The following LRRC74B variants were observed in gnomAD, a reference collection of about 807,000 sequenced individuals.
The protein encoded by LRRC74B is leucine-rich repeat-containing protein 74B.
A neutral mutation model predicts 16.6 loss-of-function variants in LRRC74B; 30 were observed. That is an observed-to-expected ratio of 1.80 (90% CI 1.35 to 2.45). LRRC74B has a LOEUF of 2.45. LRRC74B is among the 30% of genes most tolerant of loss of function. The pLI is 0.00. For synonymous variants in LRRC74B, 134 were observed against 86.0 expected (o/e 1.56, Z -3.09); for missense variants, 326 against 202.4 (o/e 1.61, Z -3.71).
intron 5 of LRRC74B, 23 bp from the exon 6 acceptor site, chr22:21,053,337 G>T (rs993888019): frequency 8.4e-6 from 6 of 714,974 alleles, no homozygotes; most frequent in Admixed American, 2.0e-5. Flanking sequence ...GGGGTCCCAT[G>T]ACTTCACTCT....
At chr22:21,051,547 C>T (rs1444309442) in intron 4 of LRRC74B, among the ~76,000 whole-genome samples, 1 of 152,160 alleles carries the variant, frequency 6.6e-6, no homozygotes. Context: ...TAGCCTATGG[C>T]ACCAGCCTTC....
At chr22:21,057,779 G>A in intron 8 of LRRC74B, among the ~76,000 whole-genome samples, 1 of 143,906 alleles carries the variant, frequency 6.9e-6, no homozygotes, top group Non-Finnish European at 1.5e-5. Flanking sequence ...CACCATACCT[G>A]GCTAAAGTTT....
chr22:21,055,073 C>A (rs752135178), intron 6 of LRRC74B, 25 bp from the exon 7 acceptor site: 1 of 716,106 alleles, frequency 1.4e-6, no homozygotes. Flanking sequence ...TTGCACAATG[C>A]ATGTGCCTGT....
At chr22:21,057,232 C>T (rs1380115270) in intron 8 of LRRC74B, 32 bp downstream of exon 8, 1 of 715,876 alleles carries the variant, frequency 1.4e-6, no homozygotes, top group South Asian at 1.5e-5. Flanking sequence ...CGTTTCTGAT[C>T]CTCCCAGCAG....
intron 1 of LRRC74B, among the ~76,000 whole-genome samples, chr22:21,046,425 C>G (rs761309744): frequency 6.7e-6 from 1 of 150,366 alleles, no homozygotes; most frequent in African/African-American, 2.4e-5. Flanking sequence ...TTTTTTCTCC[C>G]GTAAAATGTT....
intron 3 of LRRC74B, 55 bp downstream of exon 3, chr22:21,048,071 T>C: frequency 1.4e-6 from 1 of 713,480 alleles, no homozygotes; most frequent in South Asian, 1.5e-5. Context: ...TCCTCAGGGA[T>C]GTGCCTCCAT....
At position 21,057,093 on chromosome 22, in the gene LRRC74B, C is replaced by T. The variant is rs557660531; in HGVS notation, c.928-12C>T. On this transcript the variant is annotated splice_polypyrimidine_tract_variant and intron_variant, in intron 7 of 8. Coordinates refer to ENST00000442047, the Ensembl canonical transcript of LRRC74B. ...ACCTGGCTTCTCGCAGCTTTGTGTG[C>T]GTGTTTCTCAGGTGTCCAGGAATCC... is the stretch of plus-strand genomic sequence containing the variant. 1.4e-4 allele frequency: 100 copies of T among 717,274 alleles called. No homozygotes were observed. The highest frequency in any genetic ancestry group is 9.2e-4 in the Middle Eastern group (4 of 4,356). The allele number at this position is 717,274 out of a possible 1,614,324, so 44.4% of individuals were successfully genotyped here.
chr22:21,049,830 G>A (rs1004131659), intron 4 of LRRC74B, among the ~76,000 whole-genome samples: 2 of 152,062 alleles, frequency 1.3e-5, no homozygotes, highest in Non-Finnish European at 2.9e-5. Flanking sequence ...TCTCATCACT[G>A]TCATGCCCCT....
chr22:21,060,091 G>A (rs1930735127), intron 8 of LRRC74B, among the ~76,000 whole-genome samples: 1 of 152,136 alleles, frequency 6.6e-6, no homozygotes, highest in Admixed American at 6.6e-5. Flanking sequence ...GATAGCTTGA[G>A]TCCAGGAGCT....
chr22:21,061,661 T>C (rs1265205346), downstream of LRRC74B: 3 of 152,256 alleles, frequency 2.0e-5, no homozygotes, highest in Non-Finnish European at 4.4e-5. Context: ...ACATGGCTTG[T>C]CTGACAGTTC....
intron 8 of LRRC74B, among the ~76,000 whole-genome samples, chr22:21,057,961 C>T (rs977610891): frequency 1.3e-5 from 2 of 150,838 alleles, no homozygotes; most frequent in African/African-American, 2.4e-5. Flanking sequence ...TATTGGCTCT[C>T]TGCAACTTCC....
At chr22:21,050,183 C>T (rs533664508) in intron 4 of LRRC74B, among the ~76,000 whole-genome samples, 2 of 152,140 alleles carry the variant, frequency 1.3e-5, no homozygotes, top group East Asian at 1.9e-4. Context: ...ATTACAGGTG[C>T]GTGCGACAAG....
At chr22:21,057,344 C>T in intron 8 of LRRC74B, 144 bp downstream of exon 8, 2 of 614,316 alleles carry the variant, frequency 3.3e-6, no homozygotes, top group Admixed American at 2.7e-5. Flanking sequence ...TGCAACGGGA[C>T]TTGAATGCAG....
intron 1 of LRRC74B, among the ~76,000 whole-genome samples, chr22:21,047,018 G>A (rs1929501650): frequency 6.6e-6 from 1 of 151,774 alleles, no homozygotes; most frequent in Non-Finnish European, 1.5e-5. Context: ...GCTTGAACCT[G>A]GGAGGCAGAG....
At chr22:21,053,261 T>TAA (rs1195089095) in intron 5 of LRRC74B, 99 bp from the exon 6 acceptor site, 1 of 644,958 alleles carries the variant, frequency 1.6e-6, no homozygotes, top group African/African-American at 1.8e-5. Context: ...CTTTATCTCT[T>TAA]ATCTTTGCAC....
At chr22:21,048,631 G>A (rs1929692934) in intron 3 of LRRC74B, 1 of 378,238 alleles carries the variant, frequency 2.6e-6, no homozygotes, top group East Asian at 5.4e-5. Context: ...GGGGCTGTGA[G>A]GGCTTCTGAA....
chr22:21,060,861 G>A (rs1472012910), downstream of LRRC74B, among the ~76,000 whole-genome samples: 2 of 152,196 alleles, frequency 1.3e-5, no homozygotes, highest in African/African-American at 2.4e-5. Flanking sequence ...CTATTAAAAT[G>A]TAAGGAGGGG....
chr22:21,051,084 C>G (rs1235977043), intron 4 of LRRC74B, among the ~76,000 whole-genome samples: 1 of 151,238 alleles, frequency 6.6e-6, no homozygotes, highest in Non-Finnish European at 1.5e-5. Context: ...CCCAAGATGT[C>G]AAGGCTGCAG....
chr22:21,053,219 T>G (rs1331890635), intron 5 of LRRC74B, 141 bp from the exon 6 acceptor site: 1 of 596,610 alleles, frequency 1.7e-6, no homozygotes, highest in Admixed American at 2.8e-5. Context: ...GGCACTTTCC[T>G]GACCCTTCCT....
Sources: allele counts gnomAD v4.1 joint callset (sites outside exome capture counted in the v4.1 genomes callset), GRCh38; gene constraint gnomAD v4.1.1; transcripts MANE v1.5; gene names NCBI Gene and HGNC (gene_info 2026-07-23, HGNC 2026-07-21).